Variants in NLGN4X observed in about 807,000 individuals in gnomAD.
NLGN4X encodes the protein neuroligin 4 X-linked, also known as neuroligin-4, X-linked.
In NLGN4X, 3 loss-of-function variants were observed where a neutral mutation model predicts 40.3. The ratio of observed to expected loss-of-function variants is 0.07; its 90% confidence interval spans 0.03 to 0.19. The LOEUF (loss-of-function observed/expected upper bound fraction) is 0.19, where lower values mean the gene tolerates loss of function less well. Ranked by LOEUF, NLGN4X falls within the 10% of genes least tolerant of loss-of-function variation. The pLI is 1.00. For missense variants in NLGN4X, 382 were observed against 708.3 expected (o/e 0.54, Z 5.23); for synonymous variants, 270 against 306.8 (o/e 0.88, Z 1.25).
chrX:5,987,464 G>C (rs1257171793), intron 3 of NLGN4X, among the ~76,000 whole-genome samples: 1 of 112,809 alleles, frequency 8.9e-6, no homozygotes, highest in Non-Finnish European at 1.9e-5. Flanking sequence ...CTTGCCTTAA[G>C]CTTTCACATT....
intron 1 of NLGN4X, chrX:6,187,680 A>C (rs1189673093): frequency 1.8e-5 from 2 of 112,311 alleles, no homozygotes; most frequent in African/African-American, 6.5e-5. Context: ...TCCTATCCCC[A>C]GAGGCCAGTA....
At chrX:5,912,962 AGGAG>A (rs1302220340) in intron 3 of NLGN4X, among the ~76,000 whole-genome samples, 2 of 27,738 alleles carry the variant, frequency 7.2e-5, no homozygotes, top group African/African-American at 1.7e-4. Flanking sequence ...GAGGGAGGGA[AGGAG>A]GGAGGGAGGG....
At chrX:6,032,697 C>T in intron 2 of NLGN4X, 1 of 1,187,481 alleles carries the variant, frequency 8.4e-7, no homozygotes, top group Non-Finnish European at 1.1e-6. Flanking sequence ...ATACCTTCGT[C>T]TTCACCACGG....
At chrX:5,955,810 C>T (rs1407648616) in intron 3 of NLGN4X, among the ~76,000 whole-genome samples, 2 of 42,010 alleles carry the variant, frequency 4.8e-5, no homozygotes, top group African/African-American at 2.3e-4. Flanking sequence ...GAGAAACAAC[C>T]ACACTAAAAA....
intron 2 of NLGN4X, among the ~76,000 whole-genome samples, chrX:6,037,186 G>C (rs1195626597): frequency 9.1e-6 from 1 of 109,930 alleles, no homozygotes; most frequent in East Asian, 2.8e-4. Flanking sequence ...CATGCCTGTA[G>C]TCCCAGCTAT....
intron 2 of NLGN4X, among the ~76,000 whole-genome samples, chrX:6,086,408 A>G (rs2038497780): frequency 8.9e-6 from 1 of 111,963 alleles, no homozygotes; most frequent in African/African-American, 3.2e-5. Context: ...AAATGTAACA[A>G]AAAAGCAAAA....
chrX:6,213,562 A>G (rs1924803766), intron 1 of NLGN4X, among the ~76,000 whole-genome samples: 1 of 112,507 alleles, frequency 8.9e-6, no homozygotes, highest in Non-Finnish European at 1.9e-5. Flanking sequence ...GTTAAAGAGT[A>G]ACTCTCTGTA....
intron 3 of NLGN4X, among the ~76,000 whole-genome samples, chrX:6,016,671 C>T (rs1411882606): frequency 1.8e-5 from 2 of 111,749 alleles, no homozygotes; most frequent in Non-Finnish European, 3.8e-5. Context: ...TGCACATGAA[C>T]GTTCATGGCA....
intron 3 of NLGN4X, among the ~76,000 whole-genome samples, chrX:5,982,120 C>T (rs1490236473): frequency 1.8e-5 from 2 of 112,273 alleles, no homozygotes; most frequent in African/African-American, 6.5e-5. Flanking sequence ...AATAGCCAAA[C>T]ATACATTTCC....
At chrX:5,900,903 TGATAACA>T (rs1182164405) in intron 5 of NLGN4X, among the ~76,000 whole-genome samples, 2 of 111,228 alleles carry the variant, frequency 1.8e-5, no homozygotes, top group Non-Finnish European at 3.8e-5. Context: ...TTGGATACTC[TGATAACA>T]GCAGTCCCAA....
intron 1 of NLGN4X, among the ~76,000 whole-genome samples, chrX:6,171,549 C>T (rs976458469): frequency 5.4e-5 from 6 of 111,801 alleles, no homozygotes; most frequent in African/African-American, 2.0e-4. Flanking sequence ...CACAGCTTTC[C>T]AAGAAAGGGT....
intron 1 of NLGN4X, among the ~76,000 whole-genome samples, chrX:6,183,519 C>G (rs1053796452): frequency 3.7e-5 from 4 of 109,411 alleles, no homozygotes; most frequent in Non-Finnish European, 5.7e-5. Context: ...TGCACTCCAG[C>G]CTGGACGAGA....
At position 5,892,495 on chromosome X, in the gene NLGN4X, G is replaced by A. The variant is rs2031232531; in HGVS notation, c.*322C>T. On this transcript the variant is annotated 3_prime_UTR_variant, in exon 6 of 6. Coordinates refer to ENST00000381095, the MANE Select transcript of NLGN4X (RefSeq NM_181332.3). ...TGCTTCCATGACGTTGGAAACACCCGGGGCCTTGAAATGGTGATGTCCTAT... is the reference window on the plus strand; with the variant it reads ...TGCTTCCATGACGTTGGAAACACCCAGGGCCTTGAAATGGTGATGTCCTAT... The A allele has an allele frequency of 1.1e-5, 3 of 266,301 alleles. No individual in the cohort carries two copies. The highest frequency in any genetic ancestry group is 2.8e-5 in the African/African-American group (1 of 36,103). 21.9% of individuals were successfully genotyped at this position (266,301 alleles called of 1,213,427 possible).
intron 4 of NLGN4X, among the ~76,000 whole-genome samples, chrX:5,907,129 T>C (rs1338547606): frequency 9.0e-6 from 1 of 110,717 alleles, no homozygotes; most frequent in African/African-American, 3.3e-5. Flanking sequence ...GTTCAGTCAG[T>C]GTGGTGCCAT....
At chrX:6,120,056 G>T (rs1206342868) in intron 2 of NLGN4X, among the ~76,000 whole-genome samples, 4 of 111,400 alleles carry the variant, frequency 3.6e-5, no homozygotes, top group African/African-American at 1.3e-4. Flanking sequence ...GGTGGAGTGT[G>T]CCTGTAATCC....
intron 4 of NLGN4X, among the ~76,000 whole-genome samples, chrX:5,907,688 C>T (rs1360874013): frequency 1.8e-5 from 2 of 110,071 alleles, no homozygotes; most frequent in South Asian, 3.9e-4. Flanking sequence ...GGAGCTCCCA[C>T]GGGGACAAGC....
intron 2 of NLGN4X, among the ~76,000 whole-genome samples, chrX:6,096,946 CGT>C (rs35895741): frequency 0.38 from 38,141 of 100,128 alleles, 5,795 homozygotes; most frequent in African/African-American, 0.45. Context: ...ATTTTCATAT[CGT>C]GTGTGTGTGT....
At chrX:6,144,717 G>A (rs2040013430) in intron 2 of NLGN4X, among the ~76,000 whole-genome samples, 1 of 111,531 alleles carries the variant, frequency 9.0e-6, no homozygotes, top group African/African-American at 3.3e-5. Context: ...CATCCACAGT[G>A]GAGGGTCTCT....
chrX:6,099,711 A>C (rs2147484133), intron 2 of NLGN4X, among the ~76,000 whole-genome samples: 1 of 112,761 alleles, frequency 8.9e-6, no homozygotes, highest in Non-Finnish European at 1.9e-5. Context: ...GAGGAGGCAA[A>C]GGATGCTGGA....
Sources: allele counts gnomAD v4.1 joint callset (sites outside exome capture counted in the v4.1 genomes callset), GRCh38; gene constraint gnomAD v4.1.1; transcripts MANE v1.5; gene names NCBI Gene and HGNC (gene_info 2026-07-23, HGNC 2026-07-21).